The following STAU2 variants were observed in gnomAD, a reference collection of about 807,000 sequenced individuals.
The protein encoded by STAU2 is staufen double-stranded RNA binding protein 2, also known as double-stranded RNA-binding protein Staufen homolog 2.
Under a neutral mutation model 65.9 loss-of-function variants are expected in STAU2, and 20 were observed. That is an observed-to-expected ratio of 0.30 (90% CI 0.21 to 0.44). The LOEUF (loss-of-function observed/expected upper bound fraction) is 0.44, where lower values mean the gene tolerates loss of function less well. Among genes scored for constraint, STAU2 ranks in the 20% least tolerant of loss-of-function variants. The pLI is 1.00. For missense variants in STAU2, 558 were observed against 683.9 expected, an observed-to-expected ratio of 0.82 and a Z score of 2.05; for synonymous variants, 232 against 233.9, an observed-to-expected ratio of 0.99 and a Z score of 0.07.
chr8:73,720,357 G>C (rs1180120554), intron 3 of STAU2, among the ~76,000 whole-genome samples: 1 of 151,880 alleles, frequency 6.6e-6, no homozygotes, highest in Non-Finnish European at 1.5e-5. Flanking sequence ...TAAGATGGAA[G>C]CTGAAGTCAA....
At chr8:73,700,474 T>C (rs961408007) in intron 4 of STAU2, among the ~76,000 whole-genome samples, 21 of 152,088 alleles carry the variant, frequency 1.4e-4, no homozygotes, top group Non-Finnish European at 2.8e-4. Flanking sequence ...TTAGTAAAGT[T>C]GCAGGATACA....
At chr8:73,511,672 T>C (rs937570975) in intron 13 of STAU2, 1 of 152,582 alleles carries the variant, frequency 6.6e-6, no homozygotes, top group Non-Finnish European at 1.5e-5. Flanking sequence ...CCCTCCCATG[T>C]GGGTGGCAGC....
chr8:73,669,637 TTCTCTCTCTCTCTC>T lies in STAU2; in HGVS notation c.410+3456_410+3469del, dbSNP rs34037884. On this transcript the variant is annotated intron_variant, in intron 6 of 14. Coordinates refer to ENST00000524300, the MANE Select transcript of STAU2 (RefSeq NM_001164380.2). Reference sequence around the variant, plus strand: ...TACTTGCTATTTCTTGAGCCTGGAATTCTCTCTCTCTCTCTCTCTCTCTCTCTCTCTCTCAACAT... The same window carrying T: ...TACTTGCTATTTCTTGAGCCTGGAATTCTCTCTCTCTCTCTCTCTCAACAT... Among the ~76,000 whole-genome samples the T allele has an allele frequency of 1.1e-4, 16 of 141,244 alleles. 1 individual carries two copies. The highest frequency in any genetic ancestry group is 7.3e-4 in the South Asian group (3 of 4,136). The allele number at this position is 141,244 out of a possible 152,430, so 92.7% of individuals were successfully genotyped here. A position where few individuals can be genotyped will look rare whatever the true frequency, so the allele number is the denominator to read the frequency against.
At chr8:73,645,704 C>A (rs1586183181) in intron 6 of STAU2, among the ~76,000 whole-genome samples, 1 of 152,226 alleles carries the variant, frequency 6.6e-6, no homozygotes, top group Middle Eastern at 3.4e-3. Context: ...GCAGGCTGTA[C>A]AGGGAGCATT....
intron 1 of STAU2, among the ~76,000 whole-genome samples, chr8:73,741,340 A>G (rs1483646508): frequency 2.0e-5 from 3 of 150,198 alleles, no homozygotes; most frequent in African/African-American, 7.5e-5. Flanking sequence ...AGCATTCACC[A>G]ACTTTGAAAA....
chr8:73,654,448 T>C (rs922926013), intron 6 of STAU2, among the ~76,000 whole-genome samples: 20 of 151,532 alleles, frequency 1.3e-4, no homozygotes, highest in African/African-American at 4.8e-4. Context: ...GCCCAGGAGT[T>C]TGAGACCAGC....
chr8:73,423,771 A>G (rs1426463250), intron 13 of STAU2, among the ~76,000 whole-genome samples: 1 of 152,204 alleles, frequency 6.6e-6, no homozygotes, highest in Non-Finnish European at 1.5e-5. Context: ...AGGTTTACAG[A>G]AAACTTGGGC....
chr8:73,572,699 C>G (rs550244521), intron 12 of STAU2, among the ~76,000 whole-genome samples: 10 of 152,104 alleles, frequency 6.6e-5, no homozygotes, highest in Non-Finnish European at 1.2e-4. Flanking sequence ...ATTCAACAGC[C>G]CTTCATGCTA....
chr8:73,616,485 G>C (rs762421789), intron 7 of STAU2, among the ~76,000 whole-genome samples: 1 of 152,120 alleles, frequency 6.6e-6, no homozygotes, highest in Non-Finnish European at 1.5e-5. Flanking sequence ...TGTAGAGGTT[G>C]AACTGTAGGG....
chr8:73,569,708 G>A (rs1165416122), intron 12 of STAU2, among the ~76,000 whole-genome samples: 2 of 152,168 alleles, frequency 1.3e-5, no homozygotes, highest in Non-Finnish European at 2.9e-5. Flanking sequence ...GATCTGGAGT[G>A]GACCTCCAGC....
chr8:73,450,738 C>G (rs868836229), intron 13 of STAU2, among the ~76,000 whole-genome samples: 13 of 152,188 alleles, frequency 8.5e-5, no homozygotes, highest in Admixed American at 3.9e-4. Context: ...TTATTTGAAA[C>G]CTAACAATGT....
intron 13 of STAU2, among the ~76,000 whole-genome samples, chr8:73,494,082 T>C (rs1821278382): frequency 6.6e-6 from 1 of 151,788 alleles, no homozygotes; most frequent in Non-Finnish European, 1.5e-5. Context: ...GATAACGTTT[T>C]ATATCTTGAC....
intron 13 of STAU2, among the ~76,000 whole-genome samples, chr8:73,424,753 A>T (rs984997114): frequency 3.3e-5 from 5 of 151,420 alleles, no homozygotes; most frequent in Admixed American, 3.3e-4. Context: ...TTTTAATCAC[A>T]AATCCTATAT....
chr8:73,572,975 G>A lies in STAU2; in HGVS notation c.1222+9795C>T, dbSNP rs188665085. On this transcript the variant is annotated intron_variant, in intron 12 of 14. Transcript: ENST00000524300. Reference sequence around the variant, plus strand: ...GGAAGTCAAATTGTCCCTGTTTGCAGATGACATGATTGTATATTTAGAAAA... The same window carrying A: ...GGAAGTCAAATTGTCCCTGTTTGCAAATGACATGATTGTATATTTAGAAAA... 2.0e-5 allele frequency among the ~76,000 whole-genome samples: 3 copies of A among 152,334 alleles called. No individual in the cohort carries two copies. In the East Asian group the frequency reaches 5.8e-4, roughly 29 times the overall value.
chr8:73,468,992 A>T (rs1422206253), intron 13 of STAU2, among the ~76,000 whole-genome samples: 1 of 152,110 alleles, frequency 6.6e-6, no homozygotes, highest in African/African-American at 2.4e-5. Context: ...GCTGCTATAA[A>T]GACACATGCA....
chr8:73,692,643 G>A (rs1179371925), intron 4 of STAU2, among the ~76,000 whole-genome samples: 1 of 152,156 alleles, frequency 6.6e-6, no homozygotes, highest in Admixed American at 6.5e-5. Context: ...GAGAGCCCCC[G>A]GTTTATAGCC....
At chr8:73,608,648 T>C (rs999306959) in intron 9 of STAU2, among the ~76,000 whole-genome samples, 3 of 150,258 alleles carry the variant, frequency 2.0e-5, no homozygotes, top group Non-Finnish European at 3.0e-5. Context: ...AAAGAAATAT[T>C]AGCTAACAGA....
At chr8:73,687,530 CTA>C (rs1474238271) in intron 5 of STAU2, among the ~76,000 whole-genome samples, 2 of 137,720 alleles carry the variant, frequency 1.5e-5, no homozygotes, top group Non-Finnish European at 3.0e-5. Context: ...TATATTTAAA[CTA>C]TATATTTAAA....
At chr8:73,677,443 G>A (rs976856090) in intron 5 of STAU2, among the ~76,000 whole-genome samples, 6 of 152,054 alleles carry the variant, frequency 3.9e-5, no homozygotes, top group East Asian at 1.9e-4. Context: ...ATTCAAATAC[G>A]TATAATAGTA....
Sources: allele counts gnomAD v4.1 joint callset (sites outside exome capture counted in the v4.1 genomes callset), GRCh38; gene constraint gnomAD v4.1.1; transcripts MANE v1.5; gene names NCBI Gene and HGNC (gene_info 2026-07-23, HGNC 2026-07-21).